The following TNRC6B variants were observed in gnomAD, a reference collection of about 807,000 sequenced individuals.
The protein encoded by TNRC6B is trinucleotide repeat containing adaptor 6B.
A neutral mutation model predicts 203.6 loss-of-function variants in TNRC6B; 52 were observed. The ratio of observed to expected loss-of-function variants is 0.26; its 90% CI spans 0.20 to 0.32. The LOEUF (loss-of-function observed/expected upper bound fraction) is 0.32, where lower values mean the gene tolerates loss of function less well. TNRC6B is among the 10% of genes least tolerant of loss of function. The pLI is 1.00. For synonymous variants in TNRC6B, 838 were observed against 845.7 expected (o/e 0.99, Z 0.16); for missense variants, 1,923 against 2,286.2 (o/e 0.84, Z 3.24).
chr22:40,140,323 A>T (rs1184770086), intron 3 of TNRC6B, among the ~76,000 whole-genome samples: 1 of 152,218 alleles, frequency 6.6e-6, no homozygotes, highest in Non-Finnish European at 1.5e-5. Context: ...CCATGTGATT[A>T]AATTCTAGTC....
chr22:40,083,650 A>G (rs899454034), intron 1 of TNRC6B, among the ~76,000 whole-genome samples: 1 of 152,016 alleles, frequency 6.6e-6, no homozygotes, highest in Non-Finnish European at 1.5e-5. Flanking sequence ...TTGGTGGAGG[A>G]AAAAGGGGAG....
chr22:40,261,017 C>T (rs1040920205), intron 3 of TNRC6B, among the ~76,000 whole-genome samples: 1 of 152,140 alleles, frequency 6.6e-6, no homozygotes, highest in African/African-American at 2.4e-5. Context: ...TGGTGGCTCA[C>T]ACCTGTAATC....
intron 1 of TNRC6B, among the ~76,000 whole-genome samples, chr22:40,244,596 G>A (rs2070079094): frequency 6.6e-6 from 1 of 152,038 alleles, no homozygotes; most frequent in Non-Finnish European, 1.5e-5. Context: ...AGTCCTTCGG[G>A]AACCATCTTT....
chr22:40,288,440 C>A (rs2070817802), intron 12 of TNRC6B, among the ~76,000 whole-genome samples: 1 of 151,960 alleles, frequency 6.6e-6, no homozygotes, highest in East Asian at 1.9e-4. Context: ...TGCAGTGGCT[C>A]ACACCTGCAA....
intron 6 of TNRC6B, 124 bp from the exon 7 acceptor site, chr22:40,273,301 T>G (rs2070590305): frequency 2.3e-6 from 2 of 874,370 alleles, no homozygotes; most frequent in Non-Finnish European, 3.3e-6. Flanking sequence ...AATATTTGTC[T>G]TGCCATGGAG....
At chr22:40,048,289 C>G (rs2067710308) in intron 1 of TNRC6B, among the ~76,000 whole-genome samples, 2 of 152,168 alleles carry the variant, frequency 1.3e-5, no homozygotes, top group African/African-American at 4.8e-5. Context: ...CCTGTAATAC[C>G]AGCACTTTTG....
chr22:40,235,873 G>A (rs756294979), intron 1 of TNRC6B, among the ~76,000 whole-genome samples: 8 of 152,094 alleles, frequency 5.3e-5, no homozygotes, highest in African/African-American at 7.2e-5. Context: ...GACTCTTAAC[G>A]TGACTTTCAT....
chr22:40,282,697 C>T (rs920356847), intron 11 of TNRC6B, among the ~76,000 whole-genome samples: 2 of 151,970 alleles, frequency 1.3e-5, no homozygotes, highest in Non-Finnish European at 2.9e-5. Flanking sequence ...GCTACAAAGT[C>T]CATTGTTAAC....
intron 1 of TNRC6B, among the ~76,000 whole-genome samples, chr22:40,237,874 T>A (rs1601910135): frequency 6.6e-6 from 1 of 151,802 alleles, no homozygotes; most frequent in Admixed American, 6.6e-5. Flanking sequence ...CCTGGCGTTG[T>A]GTGTGTGTGT....
At chr22:40,262,291 A>G in intron 4 of TNRC6B, 118 bp downstream of exon 4, 1 of 933,646 alleles carries the variant, frequency 1.1e-6, no homozygotes, top group South Asian at 4.4e-5. Flanking sequence ...GGGATTAGTC[A>G]AAAGATGAGA....
chr22:40,102,787 T>TA (rs2068250783), intron 1 of TNRC6B, among the ~76,000 whole-genome samples: 1 of 150,478 alleles, frequency 6.6e-6, no homozygotes. Context: ...AAAATAAAAA[T>TA]AAAAAAATTG....
chr22:40,050,258 A>G (rs1476212158), intron 1 of TNRC6B, among the ~76,000 whole-genome samples: 1 of 152,170 alleles, frequency 6.6e-6, no homozygotes, highest in Admixed American at 6.5e-5. Context: ...CTTGTGGTCA[A>G]AACCCTTCTA....
chr22:40,239,585 C>G (rs1408155498), intron 1 of TNRC6B, among the ~76,000 whole-genome samples: 1 of 152,066 alleles, frequency 6.6e-6, no homozygotes, highest in Non-Finnish European at 1.5e-5. Context: ...TTTTGTCAGG[C>G]GTGCAGAATG....
At chr22:40,059,894 C>A (rs767912881) in intron 1 of TNRC6B, among the ~76,000 whole-genome samples, 23 of 148,950 alleles carry the variant, frequency 1.5e-4, no homozygotes, top group Non-Finnish European at 2.7e-4. Context: ...GCAGTCTCGG[C>A]TCACTGCAAC....
At chr22:40,256,341 A>ATTTTG (rs368445482) in intron 3 of TNRC6B, among the ~76,000 whole-genome samples, 14 of 152,086 alleles carry the variant, frequency 9.2e-5, no homozygotes, top group African/African-American at 1.4e-4. Flanking sequence ...TGTCACATTG[A>ATTTTG]TTTTGTTTTG....
chr22:40,253,930 C>G (rs1210528745), intron 3 of TNRC6B, among the ~76,000 whole-genome samples: 1 of 152,176 alleles, frequency 6.6e-6, no homozygotes, highest in South Asian at 2.1e-4. Context: ...CCATCTTTCC[C>G]CAACAGTTGC....
At chr22:40,218,622 C>T (rs2069668877) in intron 1 of TNRC6B, among the ~76,000 whole-genome samples, 1 of 152,076 alleles carries the variant, frequency 6.6e-6, no homozygotes, top group African/African-American at 2.4e-5. Context: ...GCCACTGCAC[C>T]GGGCTGAGGC....
intron 1 of TNRC6B, among the ~76,000 whole-genome samples, chr22:40,109,988 T>C (rs1326855660): frequency 6.6e-6 from 1 of 152,236 alleles, no homozygotes; most frequent in African/African-American, 2.4e-5. Flanking sequence ...TCATTATCAA[T>C]GTTCAACTCA....
At position 40,278,044 on chromosome 22, in the gene TNRC6B, G is replaced by A; in HGVS notation, c.3262G>A (p.Gly1088Arg). 1 of 1,561,054 alleles carries A rather than the reference G, an allele frequency of 6.4e-7. No individual in the cohort carries two copies. Among genetic ancestry groups the A allele is most frequent in the Non-Finnish European group, 8.7e-7 (1 of 1,150,456 alleles). The change falls in exon 9 of 23, where the codon GGA becomes AGA. Residue 1088 changes from glycine to arginine, a missense_variant and splice_region_variant. Physicochemically the swap from Gly to Arg is moderately radical, Grantham distance 125. Around this residue, in one of 8 missense-constraint regions of TNRC6B, gnomAD observed 599 missense variants for 656.5 expected, o/e 0.91. Coordinates refer to ENST00000454349, the MANE Select transcript of TNRC6B (RefSeq NM_001162501.2). ...NPSSKMDLSV[G>R]SLSDKKFDVD... is the part of the protein sequence containing the mutation. ...AAGCAGCAAAATGGATTTGTCTGTA[G>A]GTGTGTATCACTCCGCTGAAAAGAA...
Sources: gnomAD v4.1 joint callset for allele counts (sites outside exome capture counted in the v4.1 genomes callset) on GRCh38, gnomAD v4.1.1 for gene constraint, gnomAD v4.1.1 regional missense constraint, MANE v1.5 for transcripts, NCBI Gene and HGNC (gene_info 2026-07-23, HGNC 2026-07-21) for gene names.